CSGALNACT1: variants seen among roughly 807,000 people sequenced by gnomAD.
CSGALNACT1 encodes beta4GalNAcT-1.
In CSGALNACT1, 52 loss-of-function variants were observed where a neutral mutation model predicts 51.0. The ratio of observed to expected loss-of-function variants is 1.02; its 90% confidence interval spans 0.82 to 1.29. The LOEUF (loss-of-function observed/expected upper bound fraction) is 1.29. Ranked by LOEUF, CSGALNACT1 falls within the 50% of genes most tolerant of loss-of-function variation. The pLI, the probability that CSGALNACT1 is intolerant of heterozygous loss-of-function variation, is 0.00. For synonymous variants in CSGALNACT1, 341 were observed against 254.4 expected, an observed-to-expected ratio of 1.34 and a Z score of -3.24; for missense variants, 935 against 679.2, an observed-to-expected ratio of 1.38 and a Z score of -4.19.
chr8:19,690,157 TC>T (rs2061221179), intron 1 of CSGALNACT1, among the ~76,000 whole-genome samples: 1 of 152,250 alleles, frequency 6.6e-6, no homozygotes, highest in South Asian at 2.1e-4. Flanking sequence ...GCAGTTATAT[TC>T]TAATACATTT....
chr8:19,526,724 T>G (rs1002714340), intron 3 of CSGALNACT1, among the ~76,000 whole-genome samples: 2 of 152,164 alleles, frequency 1.3e-5, no homozygotes, highest in East Asian at 1.9e-4. Flanking sequence ...AAACATCACG[T>G]AATTTAATAG....
intron 3 of CSGALNACT1, among the ~76,000 whole-genome samples, chr8:19,547,687 C>T (rs1490022633): frequency 6.6e-6 from 1 of 152,146 alleles, no homozygotes; most frequent in African/African-American, 2.4e-5. Context: ...AGTGTGAGAA[C>T]AGACTAATAC....
intron 1 of CSGALNACT1, among the ~76,000 whole-genome samples, chr8:19,729,445 C>T (rs1181681424): frequency 1.3e-5 from 2 of 152,188 alleles, no homozygotes. Context: ...TTGAGCCATA[C>T]AGATGCAGAA....
chr8:19,569,761 A>C (rs950446679), intron 3 of CSGALNACT1, among the ~76,000 whole-genome samples: 1 of 152,244 alleles, frequency 6.6e-6, no homozygotes, highest in Non-Finnish European at 1.5e-5. Context: ...AGCACGAACA[A>C]GGATATTTAG....
intron 1 of CSGALNACT1, among the ~76,000 whole-genome samples, chr8:19,753,089 C>T (rs1181898345): frequency 1.3e-5 from 2 of 152,056 alleles, no homozygotes; most frequent in African/African-American, 2.4e-5. Context: ...CTTCAGTCTG[C>T]GAAGATGAAG....
intron 3 of CSGALNACT1, among the ~76,000 whole-genome samples, chr8:19,589,694 T>C (rs185545378): frequency 1.3e-5 from 2 of 152,302 alleles, no homozygotes; most frequent in East Asian, 3.9e-4. Flanking sequence ...ATCAACTAGA[T>C]CTCATTTCTA....
intron 8 of CSGALNACT1, among the ~76,000 whole-genome samples, chr8:19,415,342 G>A (rs1049655091): frequency 6.6e-6 from 1 of 152,170 alleles, no homozygotes; most frequent in African/African-American, 2.4e-5. Context: ...TTGGGAAGGG[G>A]GAGTCCTTCA....
intron 1 of CSGALNACT1, among the ~76,000 whole-genome samples, chr8:19,646,157 C>T (rs2057256075): frequency 6.6e-6 from 1 of 151,848 alleles, no homozygotes; most frequent in Admixed American, 6.6e-5. Context: ...AGACAAAAAT[C>T]GATATTACTC....
intron 4 of CSGALNACT1, 24 bp from the exon 4 acceptor site, chr8:19,458,666 G>A: frequency 1.2e-6 from 2 of 1,608,910 alleles, no homozygotes; most frequent in Non-Finnish European, 1.7e-6. Context: ...AACAAGGAAA[G>A]ATAGTTCTAA....
upstream of CSGALNACT1, chr8:19,682,914 G>T: frequency 2.9e-6 from 1 of 347,144 alleles, no homozygotes; most frequent in Non-Finnish European, 5.7e-6. Context: ...GACCATATAT[G>T]AAATCCCAAT....
At chr8:19,466,010 T>G (rs1337950285) in intron 4 of CSGALNACT1, among the ~76,000 whole-genome samples, 1 of 152,192 alleles carries the variant, frequency 6.6e-6, no homozygotes, top group Non-Finnish European at 1.5e-5. Context: ...GAGATAACCC[T>G]CACACCTACC....
intron 4 of CSGALNACT1, among the ~76,000 whole-genome samples, chr8:19,489,751 T>C (rs984347130): frequency 1.3e-5 from 2 of 152,226 alleles, no homozygotes; most frequent in Non-Finnish European, 2.9e-5. Flanking sequence ...GATGACATCT[T>C]TCCTTAGCCC....
At chr8:19,425,410 G>A (rs900300474) in intron 6 of CSGALNACT1, among the ~76,000 whole-genome samples, 4 of 152,060 alleles carry the variant, frequency 2.6e-5, no homozygotes, top group Non-Finnish European at 4.4e-5. Flanking sequence ...TCACAACCCC[G>A]TGTCACAGTC....
intron 3 of CSGALNACT1, among the ~76,000 whole-genome samples, chr8:19,543,305 T>G (rs2085669403): frequency 6.6e-6 from 1 of 152,202 alleles, no homozygotes; most frequent in Non-Finnish European, 1.5e-5. Context: ...TGAATTGCAG[T>G]TCTGTGCAGG....
intron 4 of CSGALNACT1, among the ~76,000 whole-genome samples, chr8:19,471,077 C>A (rs1025355720): frequency 1.3e-5 from 2 of 151,496 alleles, no homozygotes; most frequent in African/African-American, 2.4e-5. Context: ...GCCTGAGCAA[C>A]AGAGCAAGAC....
intron 4 of CSGALNACT1, among the ~76,000 whole-genome samples, chr8:19,462,005 G>C (rs2065657035): frequency 6.6e-6 from 1 of 152,278 alleles, no homozygotes; most frequent in African/African-American, 2.4e-5. Flanking sequence ...ATTTGCCATG[G>C]AGGGCCTATC....
At position 19,624,965 on chromosome 8, in the gene CSGALNACT1, C is replaced by T. The variant is rs145582141; in HGVS notation, c.-543-23100G>A. ...ATGCCGGGATTACAGGCGTGAGCCA[C>T]TGCACCCAGCCGGTTTCACCATCTT... On this transcript the variant is annotated intron_variant, in intron 1 of 9. Transcript: ENST00000332246. 8.0e-3 allele frequency among the ~76,000 whole-genome samples: 1,212 copies of T among 152,370 alleles called. 17 individuals carry two copies. The highest frequency in any genetic ancestry group is 0.027 in the African/African-American group (1,142 of 41,586).
At chr8:19,528,883 G>T (rs1226489502) in intron 3 of CSGALNACT1, among the ~76,000 whole-genome samples, 1 of 152,344 alleles carries the variant, frequency 6.6e-6, no homozygotes, top group East Asian at 1.9e-4. Context: ...AGGCTAGGAT[G>T]GTAGTTCTCT....
chr8:19,562,206 T>C (rs968517137), intron 3 of CSGALNACT1, among the ~76,000 whole-genome samples: 6 of 152,160 alleles, frequency 3.9e-5, no homozygotes, highest in African/African-American at 1.2e-4. Context: ...GGCTTAAAGA[T>C]ATTATCTTGA....
Sources: allele counts gnomAD v4.1 joint callset (sites outside exome capture counted in the v4.1 genomes callset), GRCh38; gene constraint gnomAD v4.1.1; transcripts MANE v1.5; gene names NCBI Gene and HGNC (gene_info 2026-07-23, HGNC 2026-07-21).